PTPRN2: variants seen among roughly 807,000 people sequenced by gnomAD.
PTPRN2 encodes the protein protein tyrosine phosphatase receptor type N2, also known as receptor-type tyrosine-protein phosphatase N2.
PTPRN2 carries 74 observed loss-of-function variants against 118.8 expected under a neutral mutation model. That is an observed-to-expected ratio of 0.62 (90% CI 0.52 to 0.76). The LOEUF (loss-of-function observed/expected upper bound fraction) is 0.76. Ranked by LOEUF, PTPRN2 falls within the 30% of genes least tolerant of loss-of-function variation. The pLI, the probability that PTPRN2 is intolerant of heterozygous loss-of-function variation, is 0.00. For missense variants in PTPRN2, 1,481 were observed against 1,394.4 expected, an observed-to-expected ratio of 1.06 and a Z score of -0.99; for synonymous variants, 641 against 608.0, an observed-to-expected ratio of 1.05 and a Z score of -0.80.
intron 3 of PTPRN2, among the ~76,000 whole-genome samples, chr7:158,274,425 GACAGACATGGGAGGA>G: frequency 7.7e-6 from 1 of 129,042 alleles, no homozygotes; most frequent in Admixed American, 8.1e-5. Flanking sequence ...GGGAGCCGCA[GACAGACATGGGAGGA>G]GCCGCAGACA....
In PTPRN2 at chr7:157,874,871, AC is replaced by A. The variant is rs1795638504; in HGVS notation, c.1788+23801del. ...TATACACACGGAGACACACTCGTGC[AC>A]ATACACACACGGAGACACACTCGTG... is the stretch of plus-strand genomic sequence containing the variant. On this transcript the variant is annotated intron_variant, in intron 12 of 22. Coordinates refer to ENST00000389418, the MANE Select transcript of PTPRN2 (RefSeq NM_002847.5). The surrounding 1 kb of genome is among the most constrained non-coding windows in gnomAD (Gnocchi z 5.8). 6.6e-6 allele frequency among the ~76,000 whole-genome samples: 1 copy of A among 151,970 alleles called. No homozygotes were observed. Among genetic ancestry groups the A allele is most frequent in the Non-Finnish European group, 1.5e-5 (1 of 67,960 alleles).
intron 5 of PTPRN2, among the ~76,000 whole-genome samples, chr7:158,180,680 G>T (rs1054332058): frequency 9.9e-5 from 15 of 152,078 alleles, no homozygotes; most frequent in Non-Finnish European, 1.3e-4. Flanking sequence ...ATATTGATAG[G>T]TATTTTATTT....
At position 157,957,127 on chromosome 7, in the gene PTPRN2, A is replaced by C. The variant is rs4365972; in HGVS notation, c.1724-58390T>G. On this transcript the variant is annotated intron_variant, in intron 11 of 22. Coordinates refer to ENST00000389418, the MANE Select transcript of PTPRN2 (RefSeq NM_002847.5). ...GTTCAGAAGGGTTAATAAACAGCTC[A>C]AGCACTTGCACCTGAGAGCCCACTG... 6.6e-5 allele frequency among the ~76,000 whole-genome samples: 10 copies of C among 152,192 alleles called. No homozygotes were observed. The South Asian group carries it at 1.9e-3, about 28-fold the overall frequency.
intron 11 of PTPRN2, among the ~76,000 whole-genome samples, chr7:157,934,293 C>T (rs769317829): frequency 1.6e-4 from 25 of 152,218 alleles, no homozygotes; most frequent in Non-Finnish European, 1.0e-4. Flanking sequence ...TGATTCTTAT[C>T]TGAATCAAGT....
At chr7:158,028,339 G>A (rs1284044826) in intron 11 of PTPRN2, 1 of 152,582 alleles carries the variant, frequency 6.6e-6, no homozygotes, top group Non-Finnish European at 1.5e-5. Flanking sequence ...GAGAGCAAGA[G>A]CAGAAGCTCG....
At chr7:158,443,713 G>A (rs1384441738) in intron 2 of PTPRN2, among the ~76,000 whole-genome samples, 1 of 152,190 alleles carries the variant, frequency 6.6e-6, no homozygotes, top group Non-Finnish European at 1.5e-5. Context: ...GTGCCCATGA[G>A]GTCCTTCCTA....
rs1483257257 is a variant in PTPRN2 at position 157,964,683 on chromosome 7, T to C, written c.1724-65946A>G. 6.6e-6 allele frequency among the ~76,000 whole-genome samples: 1 copy of C among 152,176 alleles called. No individual in the cohort carries two copies. The highest frequency in any genetic ancestry group is 1.5e-5 in the Non-Finnish European group (1 of 68,030). On this transcript the variant is annotated intron_variant, in intron 11 of 22. Transcript: ENST00000389418. This position sits in a 1 kb window ranked among gnomAD's most constrained non-coding sequence, Gnocchi z 9.0. ...GGAGCTGTGACCACCAGGGCCAACC[T>C]GAGGCAGCATCATGGACTTGACCGA...
At chr7:158,357,961 CCCCTT>C (rs1808523183) in intron 2 of PTPRN2, among the ~76,000 whole-genome samples, 1 of 152,272 alleles carries the variant, frequency 6.6e-6, no homozygotes, top group Non-Finnish European at 1.5e-5. Flanking sequence ...CTCCTCCCCT[CCCCTT>C]GTGTGTGCAT....
chr7:158,340,293 T>A (rs1352902115), intron 2 of PTPRN2, among the ~76,000 whole-genome samples: 4 of 93,276 alleles, frequency 4.3e-5, no homozygotes, highest in African/African-American at 1.5e-4. Flanking sequence ...ACCCACATTC[T>A]CACCATAGGA....
At chr7:157,871,143 GC>G (rs1232716069) in intron 12 of PTPRN2, among the ~76,000 whole-genome samples, 1 of 152,180 alleles carries the variant, frequency 6.6e-6, no homozygotes, top group Non-Finnish European at 1.5e-5. Flanking sequence ...TCTGAACTAG[GC>G]ACCAATCTTT....
chr7:157,558,264 G>A (rs1021986041), intron 21 of PTPRN2, among the ~76,000 whole-genome samples: 2 of 152,088 alleles, frequency 1.3e-5, no homozygotes, highest in Admixed American at 6.6e-5. Flanking sequence ...AGATGCAAAC[G>A]CAGCGTCTGT....
chr7:158,087,390 G>C (rs897640129), intron 10 of PTPRN2, among the ~76,000 whole-genome samples: 2 of 152,090 alleles, frequency 1.3e-5, no homozygotes, highest in Non-Finnish European at 2.9e-5. Context: ...GTGTCGTCCC[G>C]ATGGTCGTGC....
At position 157,881,691 on chromosome 7, in the gene PTPRN2, C is replaced by T. The variant is rs1796140221; in HGVS notation, c.1788+16982G>A. Among the ~76,000 whole-genome samples the T allele has an allele frequency of 6.6e-6, 1 of 151,470 alleles. No individual in the cohort carries two copies. The highest frequency in any genetic ancestry group is 2.4e-5 in the African/African-American group (1 of 41,156). On this transcript the variant is annotated intron_variant, in intron 12 of 22. Coordinates refer to ENST00000389418, the MANE Select transcript of PTPRN2 (RefSeq NM_002847.5). This position sits in a 1 kb window ranked among gnomAD's most constrained non-coding sequence, Gnocchi z 4.7. ...TGGAACGTTAAGTCCAAGTGCTTGT[C>T]AACAGAAGAAAGTTACTTCTTAAGA... is the stretch of plus-strand genomic sequence containing the variant.
At chr7:158,396,585 G>A (rs1194811894) in intron 2 of PTPRN2, among the ~76,000 whole-genome samples, 1 of 152,128 alleles carries the variant, frequency 6.6e-6, no homozygotes, top group East Asian at 1.9e-4. Flanking sequence ...AAGCAGCCAG[G>A]ATGTTAGAGG....
intron 12 of PTPRN2, among the ~76,000 whole-genome samples, chr7:157,871,476 G>T (rs997079415): frequency 2.6e-5 from 4 of 152,210 alleles, no homozygotes; most frequent in African/African-American, 9.6e-5. Flanking sequence ...TGGACTCAAG[G>T]TCGCGTTCAT....
intron 12 of PTPRN2, among the ~76,000 whole-genome samples, chr7:157,788,856 G>A (rs1804250595): frequency 6.6e-6 from 1 of 152,236 alleles, no homozygotes; most frequent in Non-Finnish European, 1.5e-5. Flanking sequence ...GGCAGCCGGG[G>A]CCACATCTCT....
chr7:157,568,996 C>T lies in PTPRN2; in HGVS notation c.2838-30G>A, dbSNP rs922806348. 4 of 1,528,156 alleles carry T rather than the reference C, an allele frequency of 2.6e-6. No individual in the cohort carries two copies. The Admixed American group carries it at 5.0e-5, about 19-fold the overall frequency. 94.7% of individuals were successfully genotyped at this position (1,528,156 alleles called of 1,614,324 possible). A position where few individuals can be genotyped will look rare whatever the true frequency, so the allele number is the denominator to read the frequency against. On this transcript the variant is annotated intron_variant, in intron 20 of 22. Coordinates refer to ENST00000389418, the MANE Select transcript of PTPRN2 (RefSeq NM_002847.5). ...CAACAGAAGGAGAGAAATGAAAGTGCTGCCGTCCACACGGAAGCCCGACCC... is the reference window on the plus strand; with the variant it reads ...CAACAGAAGGAGAGAAATGAAAGTGTTGCCGTCCACACGGAAGCCCGACCC...
chr7:157,817,970 G>A (rs1806529674), intron 12 of PTPRN2, among the ~76,000 whole-genome samples: 1 of 151,948 alleles, frequency 6.6e-6, no homozygotes, highest in African/African-American at 2.4e-5. Context: ...GTGTGTGCCT[G>A]TTTGTACATG....
chr7:158,107,595 C>T (rs1815788789), intron 10 of PTPRN2, among the ~76,000 whole-genome samples: 1 of 152,194 alleles, frequency 6.6e-6, no homozygotes, highest in Non-Finnish European at 1.5e-5. Flanking sequence ...GCCCTACTTG[C>T]CTGTTTCCAT....
Sources: gnomAD v4.1 joint callset for allele counts (sites outside exome capture counted in the v4.1 genomes callset) on GRCh38, gnomAD v4.1.1 for gene constraint, Gnocchi (gnomAD v3.1) non-coding constraint, MANE v1.5 for transcripts, NCBI Gene and HGNC (gene_info 2026-07-23, HGNC 2026-07-21) for gene names.